Variants in EYS observed in about 807,000 individuals in gnomAD.
EYS encodes the protein EGF-like photoreceptor maintenance factor, also known as protein eyes shut homolog.
A neutral mutation model predicts 282.1 loss-of-function variants in EYS; 250 were observed. The ratio of observed to expected loss-of-function variants is 0.89; its 90% CI spans 0.80 to 0.98. The LOEUF is 0.98. Among genes scored for constraint, EYS ranks in the 50% least tolerant of loss-of-function variants. The probability of loss-of-function intolerance (pLI) is 0.00; values close to 1 mark genes in which losing one functional copy is unlikely to be tolerated. For missense variants in EYS, 4,016 were observed against 3,709.0 expected, an observed-to-expected ratio of 1.08 and a Z score of -2.15; for synonymous variants, 1,355 against 1,282.9, an observed-to-expected ratio of 1.06 and a Z score of -1.20.
chr6:64,749,134 A>G (rs1025226596), intron 22 of EYS, among the ~76,000 whole-genome samples: 1 of 152,222 alleles, frequency 6.6e-6, no homozygotes, highest in African/African-American at 2.4e-5. Flanking sequence ...GAAAATTGTA[A>G]TTTCATAATT....
At chr6:64,395,483 G>A (rs1159429411) in intron 28 of EYS, among the ~76,000 whole-genome samples, 1 of 152,050 alleles carries the variant, frequency 6.6e-6, no homozygotes, top group Non-Finnish European at 1.5e-5. Context: ...TCCTTTGTAG[G>A]GACATGGATG....
intron 31 of EYS, among the ~76,000 whole-genome samples, chr6:64,125,154 G>GCGCGCGCGCTC (rs1773724746): frequency 2.8e-4 from 41 of 145,322 alleles, no homozygotes; most frequent in African/African-American, 1.0e-3. Flanking sequence ...CACACTCTCT[G>GCGCGCGCGCTC]TCTCTCTCTC....
chr6:65,005,733 T>C (rs893347814), intron 13 of EYS, among the ~76,000 whole-genome samples: 2 of 149,076 alleles, frequency 1.3e-5, no homozygotes, highest in African/African-American at 2.4e-5. Context: ...GCTTCCACTT[T>C]CAATTTTCTT....
At chr6:64,232,538 C>T (rs904978823) in intron 30 of EYS, among the ~76,000 whole-genome samples, 3 of 151,990 alleles carry the variant, frequency 2.0e-5, no homozygotes, top group African/African-American at 4.8e-5. Context: ...TACAGGCACC[C>T]GCCACCATGC....
chr6:65,619,857 T>G (rs1411936144), intron 2 of EYS, among the ~76,000 whole-genome samples: 1 of 150,762 alleles, frequency 6.6e-6, no homozygotes, highest in African/African-American at 2.4e-5. Context: ...GGATTACATT[T>G]ATTGATTTGC....
At chr6:64,093,125 G>A (rs1772435533) in intron 31 of EYS, among the ~76,000 whole-genome samples, 1 of 151,902 alleles carries the variant, frequency 6.6e-6, no homozygotes, top group African/African-American at 2.4e-5. Context: ...CTCTGTTTTG[G>A]TACCAGTACC....
At chr6:64,931,682 A>G (rs1768727857) in intron 15 of EYS, among the ~76,000 whole-genome samples, 1 of 152,104 alleles carries the variant, frequency 6.6e-6, no homozygotes, top group African/African-American at 2.4e-5. Context: ...ACAGTGAACT[A>G]TATATAAAAA....
chr6:64,659,265 T>C (rs1294145233), intron 22 of EYS, among the ~76,000 whole-genome samples: 1 of 152,132 alleles, frequency 6.6e-6, no homozygotes, highest in African/African-American at 2.4e-5. Flanking sequence ...TAGCACTAAA[T>C]GCCCACAAGA....
intron 1 of EYS, among the ~76,000 whole-genome samples, chr6:65,680,740 C>A (rs562592491): frequency 6.6e-6 from 1 of 151,820 alleles, no homozygotes; most frequent in African/African-American, 2.4e-5. Flanking sequence ...AATTCTCTTC[C>A]GACAGAGGAG....
At chr6:64,291,251 T>C (rs1437145178) in intron 30 of EYS, among the ~76,000 whole-genome samples, 1 of 152,030 alleles carries the variant, frequency 6.6e-6, no homozygotes, top group African/African-American at 2.4e-5. Flanking sequence ...AACAGAGCTG[T>C]CATTAATCAT....
At chr6:64,057,175 T>A (rs779111504) in intron 33 of EYS, among the ~76,000 whole-genome samples, 1 of 152,186 alleles carries the variant, frequency 6.6e-6, no homozygotes, top group Non-Finnish European at 1.5e-5. Flanking sequence ...GGCTTTCAAT[T>A]TTAAAGAAAA....
intron 2 of EYS, among the ~76,000 whole-genome samples, chr6:65,620,997 TGTG>T (rs950226816): frequency 3.3e-5 from 5 of 152,110 alleles, no homozygotes; most frequent in Admixed American, 3.3e-4. Flanking sequence ...TTGGAATAGG[TGTG>T]GTGTGGTGCT....
intron 14 of EYS, among the ~76,000 whole-genome samples, chr6:64,978,813 A>C (rs1770558533): frequency 6.6e-6 from 1 of 151,910 alleles, no homozygotes; most frequent in Admixed American, 6.6e-5. Context: ...GGAACTGCCA[A>C]TGTGGTGGAA....
chr6:64,837,919 T>C (rs1363075604), intron 19 of EYS, among the ~76,000 whole-genome samples: 2 of 151,562 alleles, frequency 1.3e-5, no homozygotes, highest in Non-Finnish European at 3.0e-5. Flanking sequence ...ACCATTCAAG[T>C]GATGACTACA....
intron 26 of EYS, among the ~76,000 whole-genome samples, chr6:64,509,367 A>G (rs1417844592): frequency 2.0e-5 from 3 of 151,760 alleles, no homozygotes; most frequent in Admixed American, 6.6e-5. Context: ...GAGGTTGCAG[A>G]CTCCTAAAGC....
chr6:65,372,298 C>A (rs1214658999), intron 8 of EYS, among the ~76,000 whole-genome samples: 2 of 151,764 alleles, frequency 1.3e-5, no homozygotes, highest in African/African-American at 4.8e-5. Flanking sequence ...GGAAGTTATA[C>A]AATATTTGAA....
intron 35 of EYS, among the ~76,000 whole-genome samples, chr6:63,882,277 A>G (rs115545045): frequency 1.3e-5 from 2 of 152,370 alleles, no homozygotes; most frequent in Admixed American, 6.5e-5. Context: ...TTATTACAAA[A>G]GTTGTCACTC....
intron 12 of EYS, among the ~76,000 whole-genome samples, chr6:65,281,062 G>GAAAAT (rs1768207794): frequency 7.1e-6 from 1 of 141,464 alleles, no homozygotes; most frequent in Non-Finnish European, 1.5e-5. Flanking sequence ...GAAAAGAAAA[G>GAAAAT]AAATAATAAC....
chr6:64,101,528 C>T (rs1772826743), intron 31 of EYS, among the ~76,000 whole-genome samples: 1 of 149,566 alleles, frequency 6.7e-6, no homozygotes, highest in African/African-American at 2.5e-5. Flanking sequence ...AATAGAAAAC[C>T]AGAACAAAAC....
Sources: allele counts gnomAD v4.1 joint callset (sites outside exome capture counted in the v4.1 genomes callset), GRCh38; gene constraint gnomAD v4.1.1; transcripts MANE v1.5; gene names NCBI Gene and HGNC (gene_info 2026-07-23, HGNC 2026-07-21).